The following RAPGEF4 variants were observed in gnomAD, a reference collection of about 807,000 sequenced individuals.
RAPGEF4 encodes the protein RAP guanine-nucleotide-exchange factor (GEF) 4.
RAPGEF4 carries 66 observed loss-of-function variants against 147.9 expected under a neutral mutation model. The ratio of observed to expected loss-of-function variants is 0.45; its 90% CI spans 0.37 to 0.55. The LOEUF is 0.55. Ranked by LOEUF, RAPGEF4 falls within the 20% of genes least tolerant of loss-of-function variation. The pLI is 0.00. For missense variants in RAPGEF4, 1,071 were observed against 1,257.3 expected (o/e 0.85, Z 2.24); for synonymous variants, 419 against 442.7 (o/e 0.95, Z 0.67).
chr2:172,903,209 A>G (rs1012061287), intron 4 of RAPGEF4, among the ~76,000 whole-genome samples: 5 of 151,800 alleles, frequency 3.3e-5, no homozygotes, highest in African/African-American at 1.2e-4. Flanking sequence ...TCTCTACTAA[A>G]AATACAAAGA....
At chr2:173,020,290 T>C (rs897370596) in intron 22 of RAPGEF4, among the ~76,000 whole-genome samples, 1 of 148,742 alleles carries the variant, frequency 6.7e-6, no homozygotes, top group African/African-American at 2.5e-5. Flanking sequence ...CTGGGTGTGA[T>C]TACCATCTGG....
chr2:172,974,810 C>T (rs1056179737), intron 10 of RAPGEF4, among the ~76,000 whole-genome samples: 8 of 152,172 alleles, frequency 5.3e-5, no homozygotes, highest in African/African-American at 1.9e-4. Flanking sequence ...AGGCGTGCTG[C>T]TAATCCATAA....
At chr2:172,830,384 T>C (rs1489840116) in intron 4 of RAPGEF4, among the ~76,000 whole-genome samples, 1 of 152,244 alleles carries the variant, frequency 6.6e-6, no homozygotes, top group Admixed American at 6.5e-5. Context: ...CCCTTTTAAA[T>C]AGCTGACATC....
intron 6 of RAPGEF4, among the ~76,000 whole-genome samples, chr2:172,929,932 C>A (rs1685746278): frequency 6.6e-6 from 1 of 152,130 alleles, no homozygotes; most frequent in African/African-American, 2.4e-5. Flanking sequence ...TCCTCATCTA[C>A]AGAAGGAGAA....
At chr2:173,039,588 C>T (rs1455617476) in intron 29 of RAPGEF4, among the ~76,000 whole-genome samples, 1 of 152,126 alleles carries the variant, frequency 6.6e-6, no homozygotes, top group East Asian at 1.9e-4. Context: ...CCTCCACACT[C>T]CAACCACAGG....
chr2:172,892,023 C>A (rs1697973743), intron 4 of RAPGEF4, among the ~76,000 whole-genome samples: 2 of 152,112 alleles, frequency 1.3e-5, no homozygotes, highest in Non-Finnish European at 1.5e-5. Flanking sequence ...ACCATGAAGA[C>A]CAATGGTGGA....
chr2:172,821,030 C>T (rs1242454689), intron 4 of RAPGEF4, among the ~76,000 whole-genome samples: 1 of 152,100 alleles, frequency 6.6e-6, no homozygotes, highest in African/African-American at 2.4e-5. Flanking sequence ...GAATAATATA[C>T]CTTCCAGAGG....
At chr2:172,979,260 A>C (rs1231298202) in intron 10 of RAPGEF4, among the ~76,000 whole-genome samples, 3 of 152,136 alleles carry the variant, frequency 2.0e-5, no homozygotes, top group African/African-American at 7.2e-5. Flanking sequence ...GAGAATAAGG[A>C]CACATCTCCC....
At chr2:172,823,608 A>T (rs1689336620) in intron 4 of RAPGEF4, among the ~76,000 whole-genome samples, 3 of 151,680 alleles carry the variant, frequency 2.0e-5, no homozygotes, top group African/African-American at 2.4e-5. Flanking sequence ...GCCAAATTCC[A>T]CTCCTGAGTC....
At position 172,872,923 on chromosome 2, in the gene RAPGEF4, C is replaced by G. The variant is rs557914368; in HGVS notation, c.445-44879C>G. 4.6e-5 allele frequency among the ~76,000 whole-genome samples: 7 copies of G among 152,286 alleles called. No homozygotes were observed. The East Asian group carries it at 1.4e-3, about 29-fold the overall frequency. ...GCAGTAGTGGTGTTACAAATCCCCT[C>G]TCACTTCAGGCTTTCTATGTCTGTG... is the stretch of plus-strand genomic sequence containing the variant. On this transcript the variant is annotated intron_variant, in intron 4 of 30. Transcript: ENST00000397081.
intron 23 of RAPGEF4, among the ~76,000 whole-genome samples, chr2:173,023,979 T>C (rs1271649580): frequency 6.6e-6 from 1 of 152,188 alleles, no homozygotes; most frequent in African/African-American, 2.4e-5. Flanking sequence ...CCCAACTTTT[T>C]TTACCTAGGA....
chr2:172,824,318 C>G (rs775070579), intron 4 of RAPGEF4, among the ~76,000 whole-genome samples: 37 of 152,332 alleles, frequency 2.4e-4, no homozygotes, highest in Non-Finnish European at 3.7e-4. Context: ...CTGAAAGCTC[C>G]TCAGATGAGT....
intron 1 of RAPGEF4, among the ~76,000 whole-genome samples, chr2:172,760,688 A>C (rs1300187324): frequency 6.6e-6 from 1 of 151,658 alleles, no homozygotes; most frequent in Non-Finnish European, 1.5e-5. Context: ...ACTGCACTCC[A>C]GCCTGGGCGA....
intron 29 of RAPGEF4, among the ~76,000 whole-genome samples, chr2:173,040,991 T>C (rs1575587879): frequency 2.6e-5 from 4 of 152,146 alleles, no homozygotes; most frequent in African/African-American, 9.7e-5. Context: ...TTGGTTCTAT[T>C]TCAGACATAC....
intron 16 of RAPGEF4, among the ~76,000 whole-genome samples, chr2:173,000,185 C>T (rs1008456804): frequency 1.3e-5 from 2 of 152,128 alleles, no homozygotes; most frequent in African/African-American, 4.8e-5. Context: ...GGACTGAAGA[C>T]CTGGTGACAT....
At chr2:172,979,942 G>A (rs72896070) in intron 10 of RAPGEF4, among the ~76,000 whole-genome samples, 8,424 of 152,238 alleles carry the variant, frequency 0.055, 299 homozygotes, top group East Asian at 0.1. Context: ...CCTTAAACTC[G>A]GGGGGCAGAG....
At chr2:173,051,602 T>C (rs776060154) in intron 30 of RAPGEF4, 38 bp from the exon 31 acceptor site, 1 of 1,600,432 alleles carries the variant, frequency 6.2e-7, no homozygotes, top group Non-Finnish European at 8.5e-7. Flanking sequence ...TATACATATA[T>C]TACACAATGC....
At chr2:172,941,857 G>A (rs116082003) in intron 6 of RAPGEF4, among the ~76,000 whole-genome samples, 1,733 of 152,186 alleles carry the variant, frequency 0.011, 16 homozygotes, top group Non-Finnish European at 0.02. Context: ...TTGTCCTGAG[G>A]ATTAAATAAG....
At chr2:172,793,363 C>T (rs1019236504) in intron 1 of RAPGEF4, among the ~76,000 whole-genome samples, 3 of 152,150 alleles carry the variant, frequency 2.0e-5, no homozygotes, top group Non-Finnish European at 4.4e-5. Flanking sequence ...AGACACAGTT[C>T]AACCCATAAC....
Sources: gnomAD v4.1 joint callset for allele counts (sites outside exome capture counted in the v4.1 genomes callset) on GRCh38, gnomAD v4.1.1 for gene constraint, MANE v1.5 for transcripts, NCBI Gene and HGNC (gene_info 2026-07-23, HGNC 2026-07-21) for gene names.